PLXNA4: variants seen among roughly 807,000 people sequenced by gnomAD.
PLXNA4 encodes plexin-A4.
PLXNA4 carries 44 observed loss-of-function variants against 191.8 expected under a neutral mutation model. The observed-to-expected ratio is 0.23, with a 90% CI of 0.18 to 0.29. The LOEUF is 0.29. PLXNA4 is among the 10% of genes least tolerant of loss of function. The pLI is 1.00. For synonymous variants in PLXNA4, 1,082 were observed against 1,009.5 expected (o/e 1.07, Z -1.36); for missense variants, 1,800 against 2,488.8 (o/e 0.72, Z 5.89).
chr7:132,488,424 G>C (rs1440445700), intron 3 of PLXNA4, among the ~76,000 whole-genome samples: 2 of 152,322 alleles, frequency 1.3e-5, no homozygotes, highest in East Asian at 1.9e-4. Flanking sequence ...ACAATGTCCA[G>C]AGAACCCCAA....
chr7:132,570,376 C>A (rs1366512665), intron 1 of PLXNA4, among the ~76,000 whole-genome samples: 1 of 152,194 alleles, frequency 6.6e-6, no homozygotes, highest in Non-Finnish European at 1.5e-5. Context: ...CACTCTCTAA[C>A]CCCGCCACAA....
At chr7:132,189,030 A>AAGAGAGAGAGAGAG (rs3085197) in intron 14 of PLXNA4, among the ~76,000 whole-genome samples, 1 of 61,912 alleles carries the variant, frequency 1.6e-5, no homozygotes, top group Non-Finnish European at 3.1e-5. Flanking sequence ...GAGAGAGAGA[A>AAGAGAGAGAGAGAG]AGAGAGAGAG....
intron 25 of PLXNA4, among the ~76,000 whole-genome samples, chr7:132,156,539 A>T (rs1795803794): frequency 6.6e-6 from 1 of 152,064 alleles, no homozygotes; most frequent in Admixed American, 6.5e-5. Context: ...GCATCAGGAG[A>T]GGGAAGGCAG....
chr7:132,494,135 GTATC>G (rs1797911882), intron 2 of PLXNA4, among the ~76,000 whole-genome samples: 1 of 152,132 alleles, frequency 6.6e-6, no homozygotes, highest in Non-Finnish European at 1.5e-5. Context: ...GAAATTCATG[GTATC>G]TATCTCAGAG....
chr7:132,132,726 TAAAG>T (rs1795004843), intron 31 of PLXNA4, among the ~76,000 whole-genome samples: 1 of 151,922 alleles, frequency 6.6e-6, no homozygotes, highest in Non-Finnish European at 1.5e-5. Context: ...GGTGCCTGTT[TAAAG>T]AGAGTTAGAT....
chr7:132,241,495 C>A (rs1798876761), intron 4 of PLXNA4, among the ~76,000 whole-genome samples: 1 of 152,206 alleles, frequency 6.6e-6, no homozygotes, highest in African/African-American at 2.4e-5. Context: ...AATATCTCTA[C>A]AAATGGCCAA....
intron 2 of PLXNA4, among the ~76,000 whole-genome samples, chr7:132,493,757 GGA>G (rs1797898371): frequency 1.4e-5 from 2 of 144,134 alleles, no homozygotes; most frequent in Non-Finnish European, 3.0e-5. Flanking sequence ...GTGGATGGAT[GGA>G]TGGATGGATG....
At chr7:132,378,508 G>GTT (rs1310282641) in intron 3 of PLXNA4, among the ~76,000 whole-genome samples, 1 of 152,166 alleles carries the variant, frequency 6.6e-6, no homozygotes, top group Non-Finnish European at 1.5e-5. Context: ...GCATGTCATA[G>GTT]TTCTGAGGAT....
intron 4 of PLXNA4, among the ~76,000 whole-genome samples, chr7:132,249,220 C>T (rs1799163055): frequency 6.6e-6 from 1 of 152,242 alleles, no homozygotes; most frequent in African/African-American, 2.4e-5. Flanking sequence ...TAGGGGGATC[C>T]AGTCCTGCTC....
At chr7:132,290,905 C>T (rs1014854412) in intron 4 of PLXNA4, among the ~76,000 whole-genome samples, 1 of 152,216 alleles carries the variant, frequency 6.6e-6, no homozygotes, top group Non-Finnish European at 1.5e-5. Flanking sequence ...GGCTACAGAA[C>T]TACGTAATTT....
rs116329037 is a variant in PLXNA4 at position 132,617,836 on chromosome 7, T to C, written c.-87+28092A>G. ...GAATAGAAACTAAATAAGAGTTGTTTATACCAGATAGAATCTTTTTCTCTG... is the reference window on the plus strand; with the variant it reads ...GAATAGAAACTAAATAAGAGTTGTTCATACCAGATAGAATCTTTTTCTCTG... On this transcript the variant is annotated intron_variant, in intron 2 of 4. Coordinates refer to the PLXNA4 transcript ENST00000378539. 1.9e-3 allele frequency among the ~76,000 whole-genome samples: 286 copies of C among 152,366 alleles called. 1 individual carries two copies. The highest frequency in any genetic ancestry group is 6.4e-3 in the African/African-American group (266 of 41,590).
At chr7:132,329,012 G>A (rs1584998871) in intron 3 of PLXNA4, among the ~76,000 whole-genome samples, 1 of 152,270 alleles carries the variant, frequency 6.6e-6, no homozygotes, top group East Asian at 1.9e-4. Context: ...CTGGCACATC[G>A]ACATCACTTT....
At chr7:132,520,755 GACCACCCCC>G (rs912336650) in intron 1 of PLXNA4, among the ~76,000 whole-genome samples, 1 of 151,954 alleles carries the variant, frequency 6.6e-6, no homozygotes, top group East Asian at 1.9e-4. Flanking sequence ...CTAAAAGCCT[GACCACCCCC>G]ACCAGCCCCT....
chr7:132,279,779 G>A (rs1707400602), intron 4 of PLXNA4, among the ~76,000 whole-genome samples: 1 of 152,184 alleles, frequency 6.6e-6, no homozygotes, highest in Admixed American at 6.5e-5. Flanking sequence ...ACAAATAACT[G>A]TAGAAGGCAA....
At chr7:132,329,882 C>T (rs1161767317) in intron 3 of PLXNA4, among the ~76,000 whole-genome samples, 2 of 152,170 alleles carry the variant, frequency 1.3e-5, no homozygotes, top group Admixed American at 1.3e-4. Flanking sequence ...CTTCTGGTTA[C>T]ATAATAGGGA....
intron 2 of PLXNA4, among the ~76,000 whole-genome samples, chr7:132,619,485 C>A (rs1034958698): frequency 2.6e-5 from 4 of 152,146 alleles, no homozygotes; most frequent in African/African-American, 9.7e-5. Flanking sequence ...GGTATGTAAG[C>A]AACTCAAAAA....
At chr7:132,252,428 C>T (rs1285874823) in intron 4 of PLXNA4, among the ~76,000 whole-genome samples, 2 of 148,040 alleles carry the variant, frequency 1.4e-5, no homozygotes, top group Middle Eastern at 3.5e-3. Context: ...TCTCCTGCCT[C>T]AGCCTACTGA....
At chr7:132,348,004 GA>G (rs1803317996) in intron 3 of PLXNA4, among the ~76,000 whole-genome samples, 1 of 152,304 alleles carries the variant, frequency 6.6e-6, no homozygotes, top group East Asian at 1.9e-4. Flanking sequence ...AGGAAAGGAG[GA>G]AAACATTCCA....
chr7:132,601,082 A>G (rs1349208180), intron 2 of PLXNA4, among the ~76,000 whole-genome samples: 1 of 152,208 alleles, frequency 6.6e-6, no homozygotes, highest in East Asian at 1.9e-4. Flanking sequence ...TATTGAATAA[A>G]TGAATTGTAA....
Sources: allele counts gnomAD v4.1 joint callset (sites outside exome capture counted in the v4.1 genomes callset), GRCh38; gene constraint gnomAD v4.1.1; transcripts MANE v1.5; gene names NCBI Gene and HGNC (gene_info 2026-07-23, HGNC 2026-07-21).